The following ROR1 variants were observed in gnomAD, a reference collection of about 807,000 sequenced individuals.
ROR1 encodes ROR family WNT receptor 1, also known as inactive tyrosine-protein kinase transmembrane receptor ROR1.
In ROR1, 19 loss-of-function variants were observed where a neutral mutation model predicts 78.8. The ratio of observed to expected loss-of-function variants is 0.24; its 90% CI spans 0.17 to 0.35. The LOEUF (loss-of-function observed/expected upper bound fraction) is 0.35, where lower values mean the gene tolerates loss of function less well. Among genes scored for constraint, ROR1 ranks in the 10% least tolerant of loss-of-function variants. The pLI, the probability that ROR1 is intolerant of heterozygous loss-of-function variation, is 1.00. For synonymous variants in ROR1, 386 were observed against 433.6 expected, an observed-to-expected ratio of 0.89 and a Z score of 1.36; for missense variants, 917 against 1,177.8, an observed-to-expected ratio of 0.78 and a Z score of 3.24.
rs1647230541 is a variant in ROR1, at chr1:64,093,869, G to A, written c.482+43153G>A. Among the ~76,000 whole-genome samples, 3 of 152,262 alleles carry A rather than the reference G, an allele frequency of 2.0e-5. No homozygotes were observed. In the South Asian group the frequency reaches 6.2e-4, roughly 32 times the overall value. ...CAGGAAGAAAAAATTATGTACCAGT[G>A]TGCTCAATTCTTGTACATCTGTCTT... On this transcript the variant is annotated intron_variant, in intron 4 of 8. Transcript: ENST00000371079.
At chr1:64,048,850 C>T (rs954276849) in intron 2 of ROR1, among the ~76,000 whole-genome samples, 15 of 151,860 alleles carry the variant, frequency 9.9e-5, no homozygotes, top group Non-Finnish European at 1.8e-4. Context: ...AAATTAGAAC[C>T]TTAGTTGCTT....
At position 63,913,366 on chromosome 1, in the gene ROR1, C is replaced by T. The variant is rs1269204514; in HGVS notation, c.92-95939C>T. On this transcript the variant is annotated intron_variant, in intron 1 of 8. Transcript: ENST00000371079. ...AAAAATAAATCTTAAATATTTTAAA[C>T]AAAAGTTCTCAGTGAGTGTGATCTC... 2.6e-5 allele frequency among the ~76,000 whole-genome samples: 4 copies of T among 151,688 alleles called. No individual in the cohort carries two copies. The South Asian group carries it at 8.3e-4, about 32-fold the overall frequency.
intron 1 of ROR1, among the ~76,000 whole-genome samples, chr1:63,959,305 G>C (rs1388821488): frequency 2.3e-5 from 3 of 129,142 alleles, no homozygotes; most frequent in African/African-American, 1.3e-4. Context: ...GACACGTGGG[G>C]ATTAGGGGAA....
chr1:64,142,797 C>T (rs564771859), intron 7 of ROR1, 147 bp downstream of exon 7: 11 of 1,445,982 alleles, frequency 7.6e-6, no homozygotes, highest in African/African-American at 5.7e-5. Context: ...TAAACCTTGC[C>T]GTTTCTACAT....
chr1:63,984,064 A>G (rs995081647), intron 1 of ROR1, among the ~76,000 whole-genome samples: 2 of 152,152 alleles, frequency 1.3e-5, no homozygotes, highest in African/African-American at 4.8e-5. Context: ...CTGATAGTTC[A>G]TGAAGACCAA....
chr1:64,070,240 C>A (rs1189368604), intron 4 of ROR1, among the ~76,000 whole-genome samples: 1 of 152,140 alleles, frequency 6.6e-6, no homozygotes, highest in East Asian at 1.9e-4. Context: ...GTTTTGATGA[C>A]CTTGAGAGAC....
chr1:63,774,083 G>T lies in ROR1; in HGVS notation c.-335G>T. The T allele has an allele frequency of 6.1e-6, 1 of 164,330 alleles. No individual in the cohort carries two copies. The highest frequency in any genetic ancestry group is 1.9e-4 in the South Asian group (1 of 5,364). The allele number at this position is 164,330 out of a possible 1,614,324, so 10.2% of individuals were successfully genotyped here. A position where few individuals can be genotyped will look rare whatever the true frequency, so the allele number is the denominator to read the frequency against. ...CCACCGCCGCCGCCGAGGGAGCCCC[G>T]GGACGGCAGCCCCTGGGCGCAGGGT... is the stretch of plus-strand genomic sequence containing the variant. On this transcript the variant is annotated 5_prime_UTR_variant, in exon 1 of 9. Coordinates refer to ENST00000371079, the MANE Select transcript of ROR1 (RefSeq NM_005012.4). This position sits in a 1 kb window ranked among gnomAD's most constrained non-coding sequence, Gnocchi z 5.7.
intron 1 of ROR1, among the ~76,000 whole-genome samples, chr1:63,963,793 G>A (rs1417680728): frequency 2.0e-5 from 3 of 152,126 alleles, no homozygotes; most frequent in Admixed American, 6.5e-5. Context: ...TGAAGAGGAA[G>A]AACCTTCAGC....
chr1:64,072,755 GA>G (rs1647017672), intron 4 of ROR1, among the ~76,000 whole-genome samples: 2 of 152,074 alleles, frequency 1.3e-5, no homozygotes, highest in Non-Finnish European at 2.9e-5. Context: ...ACTGGTATAT[GA>G]TCCTGACCCA....
At chr1:64,131,158 T>G (rs926726496) in intron 4 of ROR1, among the ~76,000 whole-genome samples, 8 of 152,206 alleles carry the variant, frequency 5.3e-5, no homozygotes, top group Non-Finnish European at 8.8e-5. Flanking sequence ...CTTTGAGCTG[T>G]GTGATGACTT....
intron 4 of ROR1, among the ~76,000 whole-genome samples, chr1:64,124,888 TG>T (rs1648659467): frequency 6.6e-6 from 1 of 152,206 alleles, no homozygotes; most frequent in Non-Finnish European, 1.5e-5. Context: ...TGAATAACGA[TG>T]TAAGAAATCT....
At chr1:63,994,063 T>C (rs184087708) in intron 1 of ROR1, among the ~76,000 whole-genome samples, 6 of 152,312 alleles carry the variant, frequency 3.9e-5, no homozygotes, top group Admixed American at 3.9e-4. Context: ...AGAAATAACA[T>C]CTCATTGAAG....
intron 1 of ROR1, among the ~76,000 whole-genome samples, chr1:63,898,315 G>GT (rs1393100454): frequency 5.3e-5 from 2 of 37,880 alleles, no homozygotes; most frequent in East Asian, 0.021. Flanking sequence ...TGAATTGAAA[G>GT]TAAAAAAATC....
chr1:63,778,828 C>T (rs1335690461), intron 1 of ROR1, among the ~76,000 whole-genome samples: 2 of 152,160 alleles, frequency 1.3e-5, no homozygotes, highest in Non-Finnish European at 2.9e-5. Context: ...TAAAAAGTGG[C>T]ATTACTGGGC....
chr1:63,846,118 ATGTGTGTGTGTGTGTGTGTGTGTGTGTG>A (rs71056009), intron 1 of ROR1, among the ~76,000 whole-genome samples: 13 of 136,320 alleles, frequency 9.5e-5, no homozygotes, highest in Admixed American at 3.7e-4. Flanking sequence ...GAGAGAGAGA[ATGTGTGTGTGTGTGTGTGTGTGTGTGTG>A]TGTGTGTGTG....
intron 2 of ROR1, 72 bp downstream of exon 2, chr1:64,009,448 C>T: frequency 8.5e-7 from 1 of 1,173,880 alleles, no homozygotes; most frequent in South Asian, 1.2e-5. Context: ...GCATGACCTT[C>T]TTTGAAATCA....
At chr1:64,097,193 T>G (rs962564043) in intron 4 of ROR1, among the ~76,000 whole-genome samples, 1 of 144,456 alleles carries the variant, frequency 6.9e-6, no homozygotes, top group Admixed American at 7.0e-5. Context: ...ATTTTTTTTT[T>G]GTCATTTCCA....
At chr1:63,839,526 C>T (rs1645037417) in intron 1 of ROR1, among the ~76,000 whole-genome samples, 1 of 151,804 alleles carries the variant, frequency 6.6e-6, no homozygotes, top group African/African-American at 2.4e-5. Context: ...TTTATATTGG[C>T]TTATTGCAAT....
intron 1 of ROR1, among the ~76,000 whole-genome samples, chr1:63,966,361 G>A (rs1028973826): frequency 1.3e-5 from 2 of 152,186 alleles, no homozygotes; most frequent in Non-Finnish European, 2.9e-5. Context: ...TCGGCATGTC[G>A]ACATAGTCAC....
Sources: gnomAD v4.1 joint callset for allele counts (sites outside exome capture counted in the v4.1 genomes callset) on GRCh38, gnomAD v4.1.1 for gene constraint, Gnocchi (gnomAD v3.1) non-coding constraint, MANE v1.5 for transcripts, NCBI Gene and HGNC (gene_info 2026-07-23, HGNC 2026-07-21) for gene names.